MAP3K21: variants seen among roughly 807,000 people sequenced by gnomAD.
MAP3K21 encodes the protein mitogen-activated protein kinase kinase kinase MLK4.
In MAP3K21, 63 loss-of-function variants were observed where a neutral mutation model predicts 86.1. That is an observed-to-expected ratio of 0.73 (90% confidence interval 0.60 to 0.90). The LOEUF (loss-of-function observed/expected upper bound fraction) is 0.90, where lower values mean the gene tolerates loss of function less well. Ranked by LOEUF, MAP3K21 falls within the 40% of genes least tolerant of loss-of-function variation. MAP3K21 has a pLI of 0.00. For synonymous variants in MAP3K21, 558 were observed against 564.8 expected, an observed-to-expected ratio of 0.99 and a Z score of 0.17; for missense variants, 1,220 against 1,367.7, an observed-to-expected ratio of 0.89 and a Z score of 1.70.
At chr1:233,378,707 T>C (rs1490711865) in intron 8 of MAP3K21, among the ~76,000 whole-genome samples, 1 of 152,228 alleles carries the variant, frequency 6.6e-6, no homozygotes, top group East Asian at 1.9e-4. Flanking sequence ...AAACAGCAGA[T>C]GGCTAGCTTG....
chr1:233,377,142 G>C (rs186656349), intron 8 of MAP3K21, among the ~76,000 whole-genome samples: 84 of 150,836 alleles, frequency 5.6e-4, no homozygotes, highest in Admixed American at 1.3e-3. Flanking sequence ...TGACTCCTTG[G>C]AGAGTTTTAC....
intron 2 of MAP3K21, among the ~76,000 whole-genome samples, chr1:233,353,376 A>G (rs1274933839): frequency 6.6e-6 from 1 of 152,206 alleles, no homozygotes; most frequent in Non-Finnish European, 1.5e-5. Context: ...TGTGGCATGC[A>G]CCATGAGATC....
In MAP3K21 at chr1:233,362,142, G is replaced by A. The variant is rs1411198153; in HGVS notation, c.1401G>A (p.Leu467=). ...EELLKRREQQ[L]AEREIDVLER... Reference sequence around the variant, plus strand: ...TGCTAAAGCGGCGTGAGCAGCAGCTGGCAGAGCGCGAGATCGACGTGCTGG... The same window carrying A: ...TGCTAAAGCGGCGTGAGCAGCAGCTAGCAGAGCGCGAGATCGACGTGCTGG... The change falls in exon 5 of 10, where the codon CTG becomes CTA. Residue 467 remains leucine (L), a synonymous_variant. Coordinates refer to ENST00000366624, the MANE Select transcript of MAP3K21 (RefSeq NM_032435.3). 1 of 1,614,196 alleles carries A rather than the reference G, an allele frequency of 6.2e-7. No individual in the cohort carries two copies. The highest frequency in any genetic ancestry group is 2.2e-5 in the East Asian group (1 of 44,872).
At chr1:233,357,046 G>A (rs925389352) in intron 4 of MAP3K21, among the ~76,000 whole-genome samples, 5 of 152,140 alleles carry the variant, frequency 3.3e-5, no homozygotes, top group African/African-American at 1.2e-4. Flanking sequence ...CGGGGCAGGT[G>A]GATCACCTGA....
chr1:233,350,023 C>A (rs1663218915), intron 2 of MAP3K21, among the ~76,000 whole-genome samples: 1 of 152,016 alleles, frequency 6.6e-6, no homozygotes, highest in African/African-American at 2.4e-5. Flanking sequence ...CTACTTTTCA[C>A]CTGAGGTTTT....
At chr1:233,340,012 G>A (rs1012994306) in intron 1 of MAP3K21, among the ~76,000 whole-genome samples, 2 of 152,092 alleles carry the variant, frequency 1.3e-5, no homozygotes, top group Non-Finnish European at 2.9e-5. Context: ...TAAAAAAAAA[G>A]ATTAATTAGG....
chr1:233,353,206 A>G (rs1477355491), intron 2 of MAP3K21, among the ~76,000 whole-genome samples: 1 of 152,214 alleles, frequency 6.6e-6, no homozygotes, highest in African/African-American at 2.4e-5. Flanking sequence ...ATGTCCTGCC[A>G]GCAGGTGTAA....
rs1663934739 is a variant in MAP3K21, at chr1:233,382,399, C to T, written c.2799C>T (p.Pro933=). Residue 933 remains proline (P), a synonymous_variant, in exon 10 of 10, where the codon CCC becomes CCT. Coordinates refer to ENST00000366624, the MANE Select transcript of MAP3K21 (RefSeq NM_032435.3). ...PHSHLPREVS[P]KKHSTVHIVP... is the part of the protein sequence containing the mutation. ...GTCATCTGCCAAGGGAGGTCTCACC[C>T]AAGAAGCACAGCACTGTCCACATCG... 3 of 1,614,120 alleles carry T rather than the reference C, an allele frequency of 1.9e-6. No individual in the cohort carries two copies. The highest frequency in any genetic ancestry group is 1.6e-4 in the Middle Eastern group (1 of 6,062).
intron 6 of MAP3K21, chr1:233,372,477 A>C: frequency 2.7e-6 from 1 of 364,414 alleles, no homozygotes; most frequent in Non-Finnish European, 4.9e-6. Flanking sequence ...TAATTCTATC[A>C]TCAGCCATTT....
intron 2 of MAP3K21, among the ~76,000 whole-genome samples, chr1:233,348,433 C>T (rs1448002420): frequency 6.6e-6 from 1 of 152,202 alleles, no homozygotes; most frequent in Non-Finnish European, 1.5e-5. Flanking sequence ...GCAAATAGAA[C>T]TGATAACAAA....
chr1:233,335,545 T>C (rs560067911), intron 1 of MAP3K21, among the ~76,000 whole-genome samples: 1 of 152,052 alleles, frequency 6.6e-6, no homozygotes. Context: ...AAAAAAAAAC[T>C]GAACTCAATG....
At chr1:233,338,047 CT>C (rs1454637237) in intron 1 of MAP3K21, among the ~76,000 whole-genome samples, 2 of 152,124 alleles carry the variant, frequency 1.3e-5, no homozygotes, top group African/African-American at 4.8e-5. Context: ...CCTCAGTATG[CT>C]TTATTATGTA....
intron 9 of MAP3K21, among the ~76,000 whole-genome samples, chr1:233,381,421 T>C (rs6680875): frequency 4.6e-5 from 7 of 152,246 alleles, no homozygotes; most frequent in African/African-American, 1.7e-4. Flanking sequence ...TAACCTTATA[T>C]ACCTGTCATG....
In MAP3K21 at chr1:233,328,704, C is replaced by G. The variant is rs1662755897; in HGVS notation, c.676C>G (p.Pro226Ala). 7.2e-7 allele frequency: 1 copy of G among 1,383,062 alleles called. No homozygotes were observed. The highest frequency in any genetic ancestry group is 9.4e-7 in the Non-Finnish European group (1 of 1,061,972). 85.7% of individuals were successfully genotyped at this position (1,383,062 alleles called of 1,614,324 possible). A position where few individuals can be genotyped will look rare whatever the true frequency, so the allele number is the denominator to read the frequency against. ...CGCCCCGGACCCGCGCGCGCCCGGC[C>G]CCCGCCGCGCGCGCCGCATCCCTCC... ...NAAPDPRAPG[P>A]RRARRIPPHV... Residue 226 changes from proline to alanine, a missense_variant, in exon 1 of 10, where the codon CCC becomes GCC. This residue lies in a region of MAP3K21 where 369 missense variants were observed against 385.3 expected (regional missense o/e 0.96). Transcript: ENST00000366624. The surrounding 1 kb of genome is among the most constrained non-coding windows in gnomAD (Gnocchi z 8.7).
Position 233,379,271 on chromosome 1 carries a change from A to AGAGAAGAAGAAAC in MAP3K21, c.2270_2282dup (p.Gly762GlufsTer61). 6.2e-7 allele frequency: 1 copy of AGAGAAGAAGAAAC among 1,614,206 alleles called. No individual in the cohort carries two copies. Among genetic ancestry groups the AGAGAAGAAGAAAC allele is most frequent in the East Asian group, 2.2e-5 (1 of 44,882 alleles). On this transcript the variant is annotated frameshift_variant, in exon 9 of 10. Transcript: ENST00000366624. LOFTEE classifies it high-confidence loss of function. ...CTGCTGAAGAACCGTTGCCCAAGGA[A>AGAGAAGAAGAAAC]GAGAAGAAGAAACGAGAGGGAATCT...
At chr1:233,335,654 G>A (rs139921813) in intron 1 of MAP3K21, among the ~76,000 whole-genome samples, 51 of 152,156 alleles carry the variant, frequency 3.4e-4, no homozygotes, top group African/African-American at 1.2e-3. Flanking sequence ...TATTGTCTCC[G>A]TATATTGCCT....
intron 1 of MAP3K21, among the ~76,000 whole-genome samples, chr1:233,344,250 C>G (rs569327661): frequency 1.3e-5 from 2 of 152,174 alleles, no homozygotes; most frequent in South Asian, 4.2e-4. Flanking sequence ...CATATGGAAC[C>G]AAAAAAGAGC....
Position 233,328,857 on chromosome 1 carries a change from G to T in MAP3K21, c.805+24G>T. 2.0e-6 allele frequency: 3 copies of T among 1,481,660 alleles called. No individual in the cohort carries two copies. Among genetic ancestry groups the T allele is most frequent in the East Asian group, 2.8e-5 (1 of 35,406 alleles). 91.8% of individuals were successfully genotyped at this position (1,481,660 alleles called of 1,614,324 possible). ...CAGTAAGTGGGGCCAGAGGGAGGTGGGGGAAGACTACCTCCGTGCCAGCCC... is the reference window on the plus strand; with the variant it reads ...CAGTAAGTGGGGCCAGAGGGAGGTGTGGGAAGACTACCTCCGTGCCAGCCC... On this transcript the variant is annotated intron_variant, in intron 1 of 9. Coordinates refer to ENST00000366624, the MANE Select transcript of MAP3K21 (RefSeq NM_032435.3). The surrounding 1 kb of genome is among the most constrained non-coding windows in gnomAD (Gnocchi z 8.7).
intron 1 of MAP3K21, among the ~76,000 whole-genome samples, chr1:233,332,652 G>C (rs989327228): frequency 2.6e-5 from 4 of 152,172 alleles, no homozygotes; most frequent in Non-Finnish European, 4.4e-5. Context: ...TATTTTGCAG[G>C]GAGGTTACCA....
Sources: allele counts gnomAD v4.1 joint callset (sites outside exome capture counted in the v4.1 genomes callset), GRCh38; gene constraint gnomAD v4.1.1; regional missense constraint gnomAD v4.1.1; non-coding constraint Gnocchi (gnomAD v3.1); transcripts MANE v1.5; gene names NCBI Gene and HGNC (gene_info 2026-07-23, HGNC 2026-07-21).